Variants in CYBRD1 observed in about 807,000 individuals in gnomAD.
CYBRD1 encodes plasma membrane ascorbate-dependent reductase CYBRD1.
Under a neutral mutation model 21.9 loss-of-function variants are expected in CYBRD1, and 14 were observed. The ratio of observed to expected loss-of-function variants is 0.64; its 90% CI spans 0.42 to 1.00. The LOEUF is 1.00. Among genes scored for constraint, CYBRD1 ranks in the 50% least tolerant of loss-of-function variants. CYBRD1 has a pLI of 0.00. For missense variants in CYBRD1, 328 were observed against 352.5 expected, an observed-to-expected ratio of 0.93 and a Z score of 0.56; for synonymous variants, 146 against 136.5, an observed-to-expected ratio of 1.07 and a Z score of -0.48.
chr2:171,552,073 A>G (rs898407381), intron 2 of CYBRD1, among the ~76,000 whole-genome samples: 2 of 152,188 alleles, frequency 1.3e-5, no homozygotes, highest in Non-Finnish European at 2.9e-5. Context: ...GCTACTCTGA[A>G]ATGCCTATAG....
At chr2:171,544,240 T>G (rs1226019734) in intron 2 of CYBRD1, among the ~76,000 whole-genome samples, 1 of 152,234 alleles carries the variant, frequency 6.6e-6, no homozygotes, top group Non-Finnish European at 1.5e-5. Context: ...TTATAGGAAT[T>G]CTATATCGAA....
At chr2:171,528,105 G>T (rs1435995676) in intron 1 of CYBRD1, among the ~76,000 whole-genome samples, 1 of 151,346 alleles carries the variant, frequency 6.6e-6, no homozygotes, top group African/African-American at 2.4e-5. Context: ...TTTTTTTTGA[G>T]ATGGAGTTTT....
At chr2:171,526,112 C>T (rs183467165) in intron 1 of CYBRD1, among the ~76,000 whole-genome samples, 32 of 152,096 alleles carry the variant, frequency 2.1e-4, no homozygotes, top group African/African-American at 6.3e-4. Context: ...ACTAAAAATA[C>T]GAAAATTAGC....
chr2:171,528,377 G>A (rs936464081), intron 1 of CYBRD1, among the ~76,000 whole-genome samples: 5 of 151,736 alleles, frequency 3.3e-5, no homozygotes, highest in East Asian at 1.9e-4. Flanking sequence ...GAGCCACCAC[G>A]TCTGGCCGGG....
chr2:171,556,686 T>A lies in CYBRD1; in HGVS notation c.*1859T>A, dbSNP rs936874181. On this transcript the variant is annotated 3_prime_UTR_variant, in exon 4 of 4. Transcript: ENST00000321348. ...GCAACACTGTTCTCTTCTTCTCTAC[T>A]AAATTCTATTTCCAAAATTGGTAAT... 2.6e-5 allele frequency: 4 copies of A among 152,188 alleles called. No homozygotes were observed. The highest frequency in any genetic ancestry group is 4.4e-5 in the Non-Finnish European group (3 of 68,038). 9.4% of individuals were successfully genotyped at this position (152,188 alleles called of 1,614,324 possible). A position where few individuals can be genotyped will look rare whatever the true frequency, so the allele number is the denominator to read the frequency against.
chr2:171,548,994 G>A (rs1209035558), intron 2 of CYBRD1, among the ~76,000 whole-genome samples: 4 of 152,100 alleles, frequency 2.6e-5, no homozygotes, highest in African/African-American at 9.7e-5. Context: ...AACTGCCATA[G>A]TAGTATACAT....
rs759184766 is a variant in CYBRD1, at chr2:171,554,581, C to A, written c.615C>A (p.Gly205=). Residue 205 remains glycine, a synonymous_variant, in exon 4 of 4, where the codon GGC becomes GGA. Coordinates refer to ENST00000321348, the MANE Select transcript of CYBRD1 (RefSeq NM_024843.4). ...AAGGTGTTTTCGTAAATACGCTTGG[C>A]CTTCTGATCCTGGTGTTCGGGGCCC... ...PPEGVFVNTL[G]LLILVFGALI... The A allele has an allele frequency of 6.2e-7, 1 of 1,613,792 alleles. No homozygotes were observed. The highest frequency in any genetic ancestry group is 8.5e-7 in the Non-Finnish European group (1 of 1,179,898).
intron 1 of CYBRD1, among the ~76,000 whole-genome samples, chr2:171,523,593 C>T (rs187126904): frequency 4.2e-3 from 641 of 152,284 alleles, no homozygotes; most frequent in Non-Finnish European, 6.7e-3. Context: ...TGCCTCTGCT[C>T]GGGATGCCCC....
chr2:171,523,096 C>T (rs1160283132), intron 1 of CYBRD1: 13 of 334,492 alleles, frequency 3.9e-5, no homozygotes, highest in Non-Finnish European at 7.6e-5. Flanking sequence ...TGAGCCCGGG[C>T]GCGATGCCGG....
At chr2:171,550,196 T>A (rs933528666) in intron 2 of CYBRD1, among the ~76,000 whole-genome samples, 3 of 152,042 alleles carry the variant, frequency 2.0e-5, no homozygotes, top group African/African-American at 7.2e-5. Flanking sequence ...ACCTCCGCCA[T>A]CCGGGTTCAA....
upstream of CYBRD1, chr2:171,522,298 C>A (rs552554681): frequency 3.8e-5 from 58 of 1,543,376 alleles, no homozygotes; most frequent in Non-Finnish European, 5.0e-5. The surrounding 1 kb of genome is among the most constrained non-coding windows in gnomAD (Gnocchi z 4.3). Flanking sequence ...GAGGGTGAGG[C>A]CACCAGGCAA....
intron 1 of CYBRD1, among the ~76,000 whole-genome samples, chr2:171,538,954 C>T (rs1327931102): frequency 2.0e-5 from 3 of 151,984 alleles, no homozygotes; most frequent in Non-Finnish European, 2.9e-5. Context: ...CCTACCACCA[C>T]GCCCGGCTAA....
At chr2:171,529,531 CAAAA>C (rs57600338) in intron 1 of CYBRD1, among the ~76,000 whole-genome samples, 1 of 69,300 alleles carries the variant, frequency 1.4e-5, no homozygotes, top group African/African-American at 6.2e-5. Flanking sequence ...AACTCTGTCT[CAAAA>C]AAAAAAAAAA....
Position 171,543,632 on chromosome 2 carries a change from A to C in CYBRD1, c.402+1839A>C. ...ATTGATTAAACAAGATGTTTAATTA[A>C]ATAATATTGATTAATTAAACAAGAT... On this transcript the variant is annotated intron_variant, in intron 2 of 3. Coordinates refer to ENST00000321348, the MANE Select transcript of CYBRD1 (RefSeq NM_024843.4). Among the ~76,000 whole-genome samples, 5 of 152,372 alleles carry C rather than the reference A, an allele frequency of 3.3e-5. 1 individual carries two copies. In the South Asian group the frequency reaches 1.0e-3, roughly 32 times the overall value.
At chr2:171,536,330 A>G (rs946581188) in intron 1 of CYBRD1, among the ~76,000 whole-genome samples, 1 of 150,146 alleles carries the variant, frequency 6.7e-6, no homozygotes, top group Non-Finnish European at 1.5e-5. Context: ...TTTGAGACAG[A>G]GTCTGGTTCT....
In CYBRD1 at chr2:171,522,497, C is replaced by G. The variant is rs763534768; in HGVS notation, c.-49C>G. ...CGGCCACTACCCAGAGGGCTGCCGC[C>G]GCCTCTCCAAGTTCTTGTGGCCCCC... On this transcript the variant is annotated 5_prime_UTR_variant, in exon 1 of 4. Transcript: ENST00000321348. This position sits in a 1 kb window ranked among gnomAD's most constrained non-coding sequence, Gnocchi z 4.3. 1 of 1,556,096 alleles carries G rather than the reference C, an allele frequency of 6.4e-7. No individual in the cohort carries two copies. The highest frequency in any genetic ancestry group is 8.7e-7 in the Non-Finnish European group (1 of 1,151,362).
chr2:171,526,721 T>C (rs1380796664), intron 1 of CYBRD1, among the ~76,000 whole-genome samples: 1 of 152,210 alleles, frequency 6.6e-6, no homozygotes, highest in African/African-American at 2.4e-5. Flanking sequence ...AAATAAACGC[T>C]GTCAAAGTGG....
At position 171,533,105 on chromosome 2, in the gene CYBRD1, G is replaced by A. The variant is rs370961834; in HGVS notation, c.194-8480G>A. Among the ~76,000 whole-genome samples the A allele has an allele frequency of 4.6e-5, 7 of 152,050 alleles. No homozygotes were observed. The East Asian group carries it at 1.2e-3, about 25-fold the overall frequency. ...ATTTGGGCCGGGCATGGTGGCTCAC[G>A]CCTGTAATCCCAGCACTTTGGGAGG... is the stretch of plus-strand genomic sequence containing the variant. On this transcript the variant is annotated intron_variant, in intron 1 of 3. Coordinates refer to ENST00000321348, the MANE Select transcript of CYBRD1 (RefSeq NM_024843.4).
chr2:171,531,627 G>T (rs929698854), intron 1 of CYBRD1, among the ~76,000 whole-genome samples: 1 of 152,144 alleles, frequency 6.6e-6, no homozygotes, highest in South Asian at 2.1e-4. Context: ...TTATGATGGG[G>T]TTTTTTGTTG....
Sources: gnomAD v4.1 joint callset for allele counts (sites outside exome capture counted in the v4.1 genomes callset) on GRCh38, gnomAD v4.1.1 for gene constraint, Gnocchi (gnomAD v3.1) non-coding constraint, MANE v1.5 for transcripts, NCBI Gene and HGNC (gene_info 2026-07-23, HGNC 2026-07-21) for gene names.